The following SYT14 variants were observed in gnomAD, a reference collection of about 807,000 sequenced individuals.
SYT14 encodes synaptotagmin-14.
SYT14 carries 32 observed loss-of-function variants against 74.2 expected under a neutral mutation model. The ratio of observed to expected loss-of-function variants is 0.43; its 90% confidence interval spans 0.33 to 0.58. The LOEUF (loss-of-function observed/expected upper bound fraction) is 0.58. Ranked by LOEUF, SYT14 falls within the 20% of genes least tolerant of loss-of-function variation. The pLI is 0.05. For synonymous variants in SYT14, 298 were observed against 337.7 expected, an observed-to-expected ratio of 0.88 and a Z score of 1.29; for missense variants, 791 against 981.8, an observed-to-expected ratio of 0.81 and a Z score of 2.60.
chr1:210,048,971 AGCTCC>A (rs1490949528), intron 5 of SYT14, among the ~76,000 whole-genome samples: 1 of 152,230 alleles, frequency 6.6e-6, no homozygotes, highest in Admixed American at 6.5e-5. Context: ...CAAATCTTAA[AGCTCC>A]GAAATTATCT....
chr1:210,140,000 G>A (rs952619561), intron 7 of SYT14, among the ~76,000 whole-genome samples: 6 of 152,106 alleles, frequency 3.9e-5, no homozygotes, highest in Non-Finnish European at 8.8e-5. Flanking sequence ...CAGTTCTAGA[G>A]CTGTATTTAT....
At chr1:209,981,727 A>C (rs1415585835) in intron 2 of SYT14, among the ~76,000 whole-genome samples, 3 of 151,908 alleles carry the variant, frequency 2.0e-5, no homozygotes, top group Non-Finnish European at 4.4e-5. Flanking sequence ...AAGTGTTGGG[A>C]TTATAGATGT....
At chr1:210,104,636 A>G (rs1344837736) in intron 7 of SYT14, among the ~76,000 whole-genome samples, 1 of 152,198 alleles carries the variant, frequency 6.6e-6, no homozygotes, top group Non-Finnish European at 1.5e-5. Context: ...TAACAGTTGC[A>G]TAAAATAACC....
intron 7 of SYT14, among the ~76,000 whole-genome samples, chr1:210,116,338 T>TTTTTG (rs1209637100): frequency 1.3e-5 from 2 of 152,124 alleles, no homozygotes; most frequent in East Asian, 1.9e-4. Context: ...ACTTGTTTTG[T>TTTTTG]TTTTGTTTTG....
At chr1:210,100,962 A>G (rs759915464) in intron 7 of SYT14, among the ~76,000 whole-genome samples, 7 of 152,180 alleles carry the variant, frequency 4.6e-5, no homozygotes, top group Non-Finnish European at 7.4e-5. Context: ...TTTCAAAATA[A>G]ATCTGGCCTC....
intron 5 of SYT14, among the ~76,000 whole-genome samples, chr1:210,080,459 C>G (rs1205310001): frequency 6.6e-6 from 1 of 152,180 alleles, no homozygotes; most frequent in African/African-American, 2.4e-5. Flanking sequence ...CTTGATATCA[C>G]GTACTCTTTA....
At chr1:210,037,206 G>C (rs143415120) in intron 5 of SYT14, among the ~76,000 whole-genome samples, 2 of 152,046 alleles carry the variant, frequency 1.3e-5, no homozygotes, top group Admixed American at 6.6e-5. Context: ...AGGTTTTCTA[G>C]TATGTAAGTG....
chr1:210,004,013 A>G (rs2079947338), intron 2 of SYT14, among the ~76,000 whole-genome samples: 1 of 152,076 alleles, frequency 6.6e-6, no homozygotes, highest in African/African-American at 2.4e-5. Flanking sequence ...ATTGGAGACC[A>G]TAATTGCTTT....
intron 5 of SYT14, among the ~76,000 whole-genome samples, chr1:210,049,654 A>G (rs917174976): frequency 1.3e-5 from 2 of 151,538 alleles, no homozygotes; most frequent in African/African-American, 2.4e-5. Context: ...TCATTGTTCA[A>G]CTCCCACTTA....
At position 209,971,015 on chromosome 1, in the gene SYT14, C is replaced by T. The variant is rs73068408; in HGVS notation, c.-486+18259C>T. 6.5e-3 allele frequency among the ~76,000 whole-genome samples: 993 copies of T among 152,160 alleles called. 14 individuals are homozygous for T. The highest frequency in any genetic ancestry group is 0.023 in the African/African-American group (946 of 41,506). On this transcript the variant is annotated intron_variant, in intron 2 of 9. Coordinates refer to ENST00000637265, the Ensembl canonical transcript of SYT14. ...ATTTTAATGATACTTACTCTCCAATCCATGAGCATGGAATGTTTTTCCATT... is the reference window on the plus strand; with the variant it reads ...ATTTTAATGATACTTACTCTCCAATTCATGAGCATGGAATGTTTTTCCATT...
chr1:210,142,392 T>G (rs2082934191), intron 7 of SYT14, among the ~76,000 whole-genome samples: 1 of 152,164 alleles, frequency 6.6e-6, no homozygotes, highest in Admixed American at 6.6e-5. Context: ...CTGAAAAAGT[T>G]TTTTTTGACA....
intron 5 of SYT14, among the ~76,000 whole-genome samples, chr1:210,068,689 G>A (rs781355853): frequency 4.0e-5 from 6 of 151,400 alleles, no homozygotes; most frequent in Non-Finnish European, 3.0e-5. Flanking sequence ...GTTGTTAATA[G>A]CATTCTTTTG....
chr1:209,971,966 GTTC>G (rs113071346), intron 2 of SYT14, among the ~76,000 whole-genome samples: 269 of 152,242 alleles, frequency 1.8e-3, no homozygotes, highest in African/African-American at 5.5e-3. Flanking sequence ...ATTGGCACCA[GTTC>G]TTCTTTATGC....
intron 2 of SYT14, among the ~76,000 whole-genome samples, chr1:209,975,280 G>C (rs1396994587): frequency 1.3e-5 from 2 of 152,164 alleles, no homozygotes; most frequent in Admixed American, 1.3e-4. Context: ...TCCCTGTCTT[G>C]TGTCAGTTTT....
intron 2 of SYT14, among the ~76,000 whole-genome samples, chr1:209,958,655 G>A (rs1441393841): frequency 6.6e-6 from 1 of 152,044 alleles, no homozygotes; most frequent in Non-Finnish European, 1.5e-5. Flanking sequence ...AATTCGTTAA[G>A]GGAAATGCAA....
chr1:209,962,549 C>T (rs186205482), intron 2 of SYT14, among the ~76,000 whole-genome samples: 15 of 152,148 alleles, frequency 9.9e-5, no homozygotes, highest in Non-Finnish European at 2.1e-4. Flanking sequence ...TTGATTCGTT[C>T]TCAGCTTCTT....
intron 5 of SYT14, among the ~76,000 whole-genome samples, chr1:210,082,010 G>A (rs937804220): frequency 3.3e-5 from 5 of 152,278 alleles, no homozygotes; most frequent in South Asian, 4.1e-4. Context: ...AAAAGTTAAC[G>A]TTAAATGTTA....
At chr1:210,030,311 G>GCCCATC (rs1421667955) in intron 5 of SYT14, among the ~76,000 whole-genome samples, 3 of 151,626 alleles carry the variant, frequency 2.0e-5, no homozygotes, top group Non-Finnish European at 4.4e-5. Context: ...CCATGCCCAT[G>GCCCATC]CCCAGCTAAT....
chr1:210,089,949 C>G (rs2102511364), intron 5 of SYT14, among the ~76,000 whole-genome samples: 2 of 152,300 alleles, frequency 1.3e-5, no homozygotes, highest in East Asian at 3.9e-4. Context: ...TAGCGGTTTC[C>G]CATTGGTTAC....
Sources: gnomAD v4.1 joint callset for allele counts (sites outside exome capture counted in the v4.1 genomes callset) on GRCh38, gnomAD v4.1.1 for gene constraint, MANE v1.5 for transcripts, NCBI Gene and HGNC (gene_info 2026-07-23, HGNC 2026-07-21) for gene names.